The following CARMIL1 variants were observed in gnomAD, a reference collection of about 807,000 sequenced individuals.
CARMIL1 encodes the protein F-actin-uncapping protein LRRC16A.
Under a neutral mutation model 177.1 loss-of-function variants are expected in CARMIL1, and 90 were observed. That is an observed-to-expected ratio of 0.51 (90% CI 0.43 to 0.61). The LOEUF (loss-of-function observed/expected upper bound fraction) is 0.61. CARMIL1 is among the 20% of genes least tolerant of loss of function. CARMIL1 has a pLI of 0.00. For missense variants in CARMIL1, 1,380 were observed against 1,667.0 expected, an observed-to-expected ratio of 0.83 and a Z score of 3.00; for synonymous variants, 577 against 606.2, an observed-to-expected ratio of 0.95 and a Z score of 0.71.
chr6:25,374,286 C>G (rs1221781005), intron 2 of CARMIL1, among the ~76,000 whole-genome samples: 1 of 152,154 alleles, frequency 6.6e-6, no homozygotes, highest in African/African-American at 2.4e-5. Context: ...CATTGTTCAC[C>G]TAAAAGTCAT....
At chr6:25,563,790 A>G in intron 29 of CARMIL1, 1 of 985,402 alleles carries the variant, frequency 1.0e-6, no homozygotes, top group South Asian at 4.7e-5. Flanking sequence ...GGATCACAGA[A>G]CCACCGTCTG....
At chr6:25,288,169 G>C (rs760981025) in intron 2 of CARMIL1, among the ~76,000 whole-genome samples, 1 of 152,222 alleles carries the variant, frequency 6.6e-6, no homozygotes, top group South Asian at 2.1e-4. Context: ...GTAGGAGTTA[G>C]CCAAGCGAAG....
intron 24 of CARMIL1, among the ~76,000 whole-genome samples, chr6:25,529,506 G>C (rs1201298393): frequency 6.6e-6 from 1 of 152,028 alleles, no homozygotes; most frequent in East Asian, 1.9e-4. Context: ...AGATATTTGA[G>C]GAAAACAATC....
chr6:25,313,683 G>GCATGTATATATATATATATATA, intron 2 of CARMIL1, among the ~76,000 whole-genome samples: 1 of 133,862 alleles, frequency 7.5e-6, no homozygotes, highest in South Asian at 2.6e-4. Context: ...AGGGAAGGCT[G>GCATGTATATATATATATATATA]TATATATACA....
At position 25,282,797 on chromosome 6, in the gene CARMIL1, C is replaced by T. The variant is rs187195194; in HGVS notation, c.41-2015C>T. ...GATCCTCTCCTCCCTGAAACCTTTG[C>T]GTGCTTCCGAATCCATGATCTTATG... On this transcript the variant is annotated intron_variant, in intron 1 of 36. Coordinates refer to ENST00000329474, the MANE Select transcript of CARMIL1 (RefSeq NM_017640.6). Among the ~76,000 whole-genome samples the T allele has an allele frequency of 1.2e-4, 18 of 152,252 alleles. No individual in the cohort carries two copies. In the South Asian group the frequency reaches 2.5e-3, roughly 21 times the overall value.
chr6:25,452,689 T>A (rs1421293007), intron 8 of CARMIL1: 1 of 152,784 alleles, frequency 6.5e-6, no homozygotes, highest in Non-Finnish European at 1.5e-5. Context: ...TTTTTGCAGA[T>A]CTTTTTAATG....
At chr6:25,444,638 C>G (rs553096984) in intron 5 of CARMIL1, among the ~76,000 whole-genome samples, 36 of 152,218 alleles carry the variant, frequency 2.4e-4, no homozygotes, top group Middle Eastern at 3.4e-3. Context: ...GTTTTCTGTC[C>G]TTGTGATAGT....
In CARMIL1 at chr6:25,441,337, A is replaced by ATATATATATATG; in HGVS notation, c.371+5734_371+5735insATATATATATGT. Among the ~76,000 whole-genome samples the ATATATATATATG allele has an allele frequency of 1.8e-3, 173 of 94,528 alleles. 3 individuals are homozygous for ATATATATATATG. Among genetic ancestry groups the ATATATATATATG allele is most frequent in the African/African-American group, 3.3e-3 (76 of 22,864 alleles). The allele number at this position is 94,528 out of a possible 152,430, so 62.0% of individuals were successfully genotyped here. ...CAAACAAACATATATATATATATATATGTGTGTGTGTGTGTGTGTGTGTGT... is the reference window on the plus strand; with the variant it reads ...CAAACAAACATATATATATATATATATATATATATATGTGTGTGTGTGTGTGTGTGTGTGTGT... On this transcript the variant is annotated intron_variant, in intron 5 of 36. Transcript: ENST00000329474.
At chr6:25,408,353 G>A (rs953047583) in intron 2 of CARMIL1, among the ~76,000 whole-genome samples, 1 of 148,598 alleles carries the variant, frequency 6.7e-6, no homozygotes, top group Non-Finnish European at 1.5e-5. Context: ...ATTAGAAATC[G>A]TTTGACATGG....
chr6:25,574,309 C>T (rs1368892892), intron 29 of CARMIL1, among the ~76,000 whole-genome samples: 1 of 152,212 alleles, frequency 6.6e-6, no homozygotes, highest in Non-Finnish European at 1.5e-5. Flanking sequence ...ATGCCAAATA[C>T]CTGTGTTCCT....
intron 2 of CARMIL1, among the ~76,000 whole-genome samples, chr6:25,336,508 CACTT>C (rs774891684): frequency 5.9e-5 from 9 of 152,310 alleles, no homozygotes; most frequent in Non-Finnish European, 1.2e-4. Flanking sequence ...TTGGACAAGT[CACTT>C]AACTTCTTTG....
rs376702225 is a variant in CARMIL1, at chr6:25,449,479, G to T, written c.372-419G>T. Among the ~76,000 whole-genome samples the T allele has an allele frequency of 2.6e-5, 4 of 152,204 alleles. No homozygotes were observed. The South Asian group carries it at 6.2e-4, about 24-fold the overall frequency. Reference sequence around the variant, plus strand: ...GCAAAAGGAACAACTATTCCAGTATGACTTGATCAGTTTCTTGATGGACAT... The same window carrying T: ...GCAAAAGGAACAACTATTCCAGTATTACTTGATCAGTTTCTTGATGGACAT... On this transcript the variant is annotated intron_variant, in intron 5 of 36. Transcript: ENST00000329474.
intron 2 of CARMIL1, among the ~76,000 whole-genome samples, chr6:25,344,452 C>T (rs115103534): frequency 0.052 from 7,915 of 152,116 alleles, 276 homozygotes; most frequent in Non-Finnish European, 0.087. Context: ...TAAATCCTTC[C>T]CTCTCTTCAC....
intron 2 of CARMIL1, among the ~76,000 whole-genome samples, chr6:25,331,297 A>G (rs1309165793): frequency 6.6e-6 from 1 of 152,178 alleles, no homozygotes; most frequent in African/African-American, 2.4e-5. Context: ...CCTGCACAGT[A>G]TTTACTGGGA....
At chr6:25,306,382 A>G (rs74902463) in intron 2 of CARMIL1, among the ~76,000 whole-genome samples, 1,541 of 152,248 alleles carry the variant, frequency 0.01, 40 homozygotes, top group African/African-American at 0.035. Flanking sequence ...CATAGTTACG[A>G]GAACCCTGTT....
At chr6:25,374,526 C>A (rs7760906) in intron 2 of CARMIL1, among the ~76,000 whole-genome samples, 133,102 of 152,220 alleles carry the variant, frequency 0.87, 58,536 homozygotes, top group African/African-American at 0.96. Context: ...TATTCTGTGA[C>A]TATATTAGGT....
chr6:25,541,471 T>G (rs986666492), intron 26 of CARMIL1, among the ~76,000 whole-genome samples: 3 of 152,224 alleles, frequency 2.0e-5, no homozygotes, highest in Admixed American at 2.0e-4. Flanking sequence ...TTAGGGTAAA[T>G]GTCTATAATT....
chr6:25,620,204 G>C lies in CARMIL1; in HGVS notation c.*621G>C, dbSNP rs1421173847. ...CCTGATGTGGAATTGTACATTTAAA[G>C]CTTGGTCGGTGACCTTTGCATACCA... On this transcript the variant is annotated 3_prime_UTR_variant, in exon 37 of 37. Coordinates refer to ENST00000329474, the MANE Select transcript of CARMIL1 (RefSeq NM_017640.6). The C allele has an allele frequency of 2.6e-5, 4 of 152,502 alleles. No homozygotes were observed. The highest frequency in any genetic ancestry group is 9.7e-5 in the African/African-American group (4 of 41,432). The allele number at this position is 152,502 out of a possible 1,614,324, so 9.4% of individuals were successfully genotyped here.
intron 17 of CARMIL1, among the ~76,000 whole-genome samples, chr6:25,505,516 A>G (rs960399973): frequency 1.3e-5 from 2 of 152,024 alleles, no homozygotes; most frequent in African/African-American, 4.8e-5. Context: ...GCAGTTGTGC[A>G]ATCTTGGCTC....
Sources: gnomAD v4.1 joint callset for allele counts (sites outside exome capture counted in the v4.1 genomes callset) on GRCh38, gnomAD v4.1.1 for gene constraint, MANE v1.5 for transcripts, NCBI Gene and HGNC (gene_info 2026-07-23, HGNC 2026-07-21) for gene names.